SHISAL1: variants seen among roughly 807,000 people sequenced by gnomAD.
SHISAL1 encodes shisa like 1, also known as protein shisa-like-1.
A neutral mutation model predicts 22.6 loss-of-function variants in SHISAL1; 9 were observed. That is an observed-to-expected ratio of 0.40 (90% CI 0.24 to 0.70). The LOEUF (loss-of-function observed/expected upper bound fraction) is 0.70. Ranked by LOEUF, SHISAL1 falls within the 30% of genes least tolerant of loss-of-function variation. The pLI is 0.39. For synonymous variants in SHISAL1, 119 were observed against 115.4 expected, an observed-to-expected ratio of 1.03 and a Z score of -0.20; for missense variants, 246 against 270.6, an observed-to-expected ratio of 0.91 and a Z score of 0.64.
intron 1 of SHISAL1, among the ~76,000 whole-genome samples, chr22:44,301,940 G>C (rs1179147185): frequency 2.6e-5 from 4 of 152,136 alleles, no homozygotes; most frequent in Admixed American, 1.3e-4. Flanking sequence ...AATGTTTCAT[G>C]GGTGCAGAGT....
Position 44,285,329 on chromosome 22 carries a change from C to T in SHISAL1, c.599+99G>A, listed in dbSNP as rs996155216. 3.1e-6 allele frequency: 4 copies of T among 1,308,348 alleles called. No individual in the cohort carries two copies. In the East Asian group the frequency reaches 9.3e-5, roughly 30 times the overall value. 81.0% of individuals were successfully genotyped at this position (1,308,348 alleles called of 1,614,324 possible). On this transcript the variant is annotated intron_variant, in intron 4 of 4. Coordinates refer to ENST00000381176, the MANE Select transcript of SHISAL1 (RefSeq NM_001099294.2). ...ACAAGATAAGCAAACAATCAGGCAA[C>T]CAATGAGCCAAACACTATGGCGAGA...
At chr22:44,328,858 C>A in the SHISAL1 span, among the ~76,000 whole-genome samples, 1 of 152,164 alleles carries the variant, frequency 6.6e-6, no homozygotes, top group Admixed American at 6.5e-5. Flanking sequence ...CTCCATCCCC[C>A]AGCCCTCCAG....
At chr22:44,299,895 GAGAGAC>G (rs377363593) in intron 2 of SHISAL1, among the ~76,000 whole-genome samples, 1,858 of 151,922 alleles carry the variant, frequency 0.012, 38 homozygotes, top group African/African-American at 0.042. Flanking sequence ...GACAGAGACA[GAGAGAC>G]AGAGACAGAG....
chr22:44,300,833 C>G, intron 2 of SHISAL1, 46 bp downstream of exon 2: 6 of 1,536,384 alleles, frequency 3.9e-6, no homozygotes, highest in Non-Finnish European at 4.5e-6. Context: ...GAAGAGCCCA[C>G]ACCCCCACGT....
At chr22:44,251,982 A>G (rs1017851313) in intron 4 of SHISAL1, among the ~76,000 whole-genome samples, 3 of 152,264 alleles carry the variant, frequency 2.0e-5, no homozygotes, top group African/African-American at 7.2e-5. Flanking sequence ...GCAGAAGCAT[A>G]ACAAATGCAA....
intron 4 of SHISAL1, among the ~76,000 whole-genome samples, chr22:44,277,952 T>C (rs1204058391): frequency 1.3e-5 from 2 of 152,196 alleles, no homozygotes; most frequent in African/African-American, 4.8e-5. Flanking sequence ...CTGCGGGTGA[T>C]GGTGAGGTCA....
At chr22:44,312,292 A>C (rs1265328592) in intron 1 of SHISAL1, among the ~76,000 whole-genome samples, 2 of 152,070 alleles carry the variant, frequency 1.3e-5, no homozygotes, top group Admixed American at 6.5e-5. Flanking sequence ...GGTCGAACAG[A>C]CCCACCTCAC....
chr22:44,296,978 G>T, intron 2 of SHISAL1, 93 bp from the exon 3 acceptor site: 1 of 953,738 alleles, frequency 1.0e-6, no homozygotes. Context: ...CTCAGGTCCT[G>T]CCTGCTTCTT....
the SHISAL1 span, among the ~76,000 whole-genome samples, chr22:44,326,987 A>G: frequency 3.3e-5 from 5 of 152,070 alleles, no homozygotes; most frequent in South Asian, 2.1e-4. Context: ...TGTCTGCAAT[A>G]TAGGCTTGAA....
At chr22:44,316,734 A>T (rs2055560595), upstream of SHISAL1, among the ~76,000 whole-genome samples, 1 of 152,184 alleles carries the variant, frequency 6.6e-6, no homozygotes, top group Admixed American at 6.5e-5. Flanking sequence ...CTTCCGGCTG[A>T]ATCAGAGGCT....
At chr22:44,329,440 GACACACAC>G in the SHISAL1 span, among the ~76,000 whole-genome samples, 1 of 144,980 alleles carries the variant, frequency 6.9e-6, no homozygotes, top group Non-Finnish European at 1.6e-5. Context: ...GCGAGAATGG[GACACACAC>G]ACACACACAC....
At chr22:44,314,542 T>G (rs1044493959), upstream of SHISAL1, among the ~76,000 whole-genome samples, 2 of 152,154 alleles carry the variant, frequency 1.3e-5, no homozygotes, top group African/African-American at 4.8e-5. Flanking sequence ...AAAGTTCACC[T>G]TTGACAGAGG....
intron 1 of SHISAL1, among the ~76,000 whole-genome samples, chr22:44,304,072 C>T (rs1429776939): frequency 6.6e-6 from 1 of 152,250 alleles, no homozygotes; most frequent in Non-Finnish European, 1.5e-5. Flanking sequence ...TCTGCATGCC[C>T]AGACTGTCCT....
intron 4 of SHISAL1, among the ~76,000 whole-genome samples, chr22:44,278,498 C>G (rs189729287): frequency 3.3e-5 from 5 of 152,346 alleles, no homozygotes; most frequent in Admixed American, 6.5e-5. Context: ...CTGCGACTGT[C>G]CCTTGGGGGA....
At chr22:44,270,983 A>C (rs2055201990) in intron 4 of SHISAL1, among the ~76,000 whole-genome samples, 1 of 152,178 alleles carries the variant, frequency 6.6e-6, no homozygotes, top group Non-Finnish European at 1.5e-5. Context: ...TAGGTGAAGG[A>C]GGCACACTTA....
At chr22:44,268,494 C>T (rs1259538845) in intron 4 of SHISAL1, among the ~76,000 whole-genome samples, 1 of 152,154 alleles carries the variant, frequency 6.6e-6, no homozygotes, top group Non-Finnish European at 1.5e-5. Flanking sequence ...AGGAGGGACA[C>T]GGCCTGCCTG....
intron 2 of SHISAL1, among the ~76,000 whole-genome samples, chr22:44,300,118 CAGAGACAGAGAGACAG>C (rs201530112): frequency 7.0e-6 from 1 of 142,780 alleles, no homozygotes; most frequent in African/African-American, 3.0e-5. Flanking sequence ...GACAGAGAGA[CAGAGACAGAGAGACAG>C]AGAGACAGAA....
intron 4 of SHISAL1, among the ~76,000 whole-genome samples, chr22:44,251,159 T>G (rs1395910790): frequency 1.3e-5 from 2 of 152,188 alleles, no homozygotes; most frequent in Admixed American, 1.3e-4. Flanking sequence ...AAATAGAAAG[T>G]TAGCTAAAAG....
intron 4 of SHISAL1, among the ~76,000 whole-genome samples, chr22:44,262,450 A>C (rs1314703778): frequency 6.6e-6 from 1 of 152,200 alleles, no homozygotes; most frequent in Non-Finnish European, 1.5e-5. Flanking sequence ...GGTACTGATT[A>C]TCTCTTCTGT....
Sources: allele counts gnomAD v4.1 joint callset (sites outside exome capture counted in the v4.1 genomes callset), GRCh38; gene constraint gnomAD v4.1.1; transcripts MANE v1.5; gene names NCBI Gene and HGNC (gene_info 2026-07-23, HGNC 2026-07-21).